Variants in FMN2 observed in about 807,000 individuals in gnomAD.
The protein encoded by FMN2 is formin-2.
In FMN2, 51 loss-of-function variants were observed where a neutral mutation model predicts 142.3. The observed-to-expected ratio is 0.36, with a 90% CI of 0.29 to 0.45. FMN2 has a LOEUF of 0.45. FMN2 is among the 20% of genes least tolerant of loss of function. The pLI, the probability that FMN2 is intolerant of heterozygous loss-of-function variation, is 1.00. For missense variants in FMN2, 1,936 were observed against 2,122.8 expected (o/e 0.91, Z 1.73); for synonymous variants, 882 against 869.8 (o/e 1.01, Z -0.25).
chr1:240,409,657 T>C (rs1339565515), intron 15 of FMN2, among the ~76,000 whole-genome samples: 1 of 152,224 alleles, frequency 6.6e-6, no homozygotes, highest in African/African-American at 2.4e-5. Flanking sequence ...GGCACAATTA[T>C]TCAGCATTGT....
chr1:240,334,856 C>T (rs1333258550), intron 13 of FMN2, among the ~76,000 whole-genome samples: 1 of 151,978 alleles, frequency 6.6e-6, no homozygotes, highest in Non-Finnish European at 1.5e-5. Flanking sequence ...TATTGAGTTG[C>T]GAACACCTCA....
At chr1:240,419,782 G>A (rs1030220045) in intron 15 of FMN2, among the ~76,000 whole-genome samples, 3 of 152,112 alleles carry the variant, frequency 2.0e-5, no homozygotes, top group African/African-American at 7.2e-5. Context: ...TTTGGTCAGG[G>A]GGTCCTGGAT....
chr1:240,354,892 T>G (rs78775730), intron 13 of FMN2, among the ~76,000 whole-genome samples: 4,162 of 152,244 alleles, frequency 0.027, 67 homozygotes, highest in South Asian at 0.044. Flanking sequence ...ATGTGTTCTA[T>G]CCAAAGTTTT....
intron 2 of FMN2, among the ~76,000 whole-genome samples, chr1:240,159,300 T>A (rs533077411): frequency 6.6e-6 from 1 of 152,232 alleles, no homozygotes; most frequent in Non-Finnish European, 1.5e-5. Context: ...ATAAAAGGTA[T>A]CGTGTTAATG....
Position 240,092,439 on chromosome 1 carries a change from C to G in FMN2, c.330C>G (p.Ser110Arg). The G allele has an allele frequency of 1.2e-6, 2 of 1,610,776 alleles. No homozygotes were observed. The highest frequency in any genetic ancestry group is 1.7e-6 in the Non-Finnish European group (2 of 1,178,718). ...CCCTGCAGACCGGGGAGCTGGACAG[C>G]GCTCACTCCCTGCTCACCAAGACTC... ...SQALQTGELD[S>R]AHSLLTKTPD... The change falls in exon 1 of 18, where the codon AGC becomes AGG. Residue 110 changes from serine (S) to arginine (R), a missense_variant. By Grantham distance (110) the Ser-to-Arg change is moderately radical. This residue lies in a region of FMN2 where 751 missense variants were observed against 791.8 expected (regional missense o/e 0.95). Coordinates refer to ENST00000319653, the MANE Select transcript of FMN2 (RefSeq NM_020066.5).
chr1:240,112,242 C>T (rs1423460727), intron 1 of FMN2, among the ~76,000 whole-genome samples: 1 of 151,832 alleles, frequency 6.6e-6, no homozygotes, highest in Admixed American at 6.6e-5. Context: ...AGTGCGCCTC[C>T]TGCCTCAGCC....
intron 15 of FMN2, among the ~76,000 whole-genome samples, chr1:240,412,441 C>T (rs1401129936): frequency 6.6e-5 from 10 of 152,018 alleles, no homozygotes; most frequent in South Asian, 2.1e-4. Context: ...TAGAGGGAGA[C>T]GGGTGGTCCA....
intron 2 of FMN2, among the ~76,000 whole-genome samples, chr1:240,139,092 G>C (rs571836295): frequency 1.3e-5 from 2 of 152,292 alleles, no homozygotes; most frequent in East Asian, 3.9e-4. Context: ...CAACTTCCCA[G>C]GTGATGCCAA....
chr1:240,223,597 G>T (rs1198322045), intron 6 of FMN2, among the ~76,000 whole-genome samples: 1 of 152,182 alleles, frequency 6.6e-6, no homozygotes, highest in Non-Finnish European at 1.5e-5. Flanking sequence ...AAATTCGGCT[G>T]TGAATCTGTC....
chr1:240,184,755 G>A (rs1040607089), intron 3 of FMN2, among the ~76,000 whole-genome samples: 3 of 151,808 alleles, frequency 2.0e-5, no homozygotes, highest in African/African-American at 7.3e-5. Context: ...TGGGAACGTG[G>A]GAGTCGGGAG....
At chr1:240,205,662 T>C (rs1192201418) in intron 4 of FMN2, among the ~76,000 whole-genome samples, 2 of 151,672 alleles carry the variant, frequency 1.3e-5, no homozygotes, top group Admixed American at 6.6e-5. Flanking sequence ...GGGGTTTCAC[T>C]GTGTTAGCCA....
At chr1:240,128,703 TA>T (rs1662610868) in intron 2 of FMN2, among the ~76,000 whole-genome samples, 1 of 152,208 alleles carries the variant, frequency 6.6e-6, no homozygotes, top group Middle Eastern at 3.4e-3. Context: ...CAATTCAGGT[TA>T]AAAAGAAACC....
intron 2 of FMN2, among the ~76,000 whole-genome samples, chr1:240,167,651 T>G (rs2061240): frequency 6.6e-6 from 1 of 152,050 alleles, no homozygotes; most frequent in Non-Finnish European, 1.5e-5. Context: ...ATGGCTATGT[T>G]ATAGTGCTGT....
At chr1:240,144,676 G>A (rs1411483506) in intron 2 of FMN2, 5 of 1,289,874 alleles carry the variant, frequency 3.9e-6, no homozygotes, top group Non-Finnish European at 5.6e-6. Flanking sequence ...TCACACAACT[G>A]GTGAGATAAA....
intron 6 of FMN2, 117 bp downstream of exon 6, chr1:240,211,352 A>C: frequency 1.0e-6 from 1 of 958,736 alleles, no homozygotes; most frequent in South Asian, 1.5e-5. Flanking sequence ...GATCTTAGGC[A>C]GACAGCAAGG....
At chr1:240,260,905 G>C (rs1306653971) in intron 7 of FMN2, among the ~76,000 whole-genome samples, 1 of 152,140 alleles carries the variant, frequency 6.6e-6, no homozygotes, top group South Asian at 2.1e-4. Flanking sequence ...TTAAGTCCTT[G>C]ACCCATCTTG....
At chr1:240,200,423 G>A (rs527705236) in intron 4 of FMN2, among the ~76,000 whole-genome samples, 1 of 152,120 alleles carries the variant, frequency 6.6e-6, no homozygotes, top group South Asian at 2.1e-4. Flanking sequence ...TATCTCAGCT[G>A]ACTTTCTGAA....
At chr1:240,244,404 G>T (rs1239946588) in intron 6 of FMN2, among the ~76,000 whole-genome samples, 1 of 152,170 alleles carries the variant, frequency 6.6e-6, no homozygotes, top group Non-Finnish European at 1.5e-5. Context: ...GGAGCTCTTT[G>T]ATGTCATCTT....
intron 7 of FMN2, among the ~76,000 whole-genome samples, chr1:240,281,221 A>C (rs1205751559): frequency 6.6e-6 from 1 of 152,140 alleles, no homozygotes; most frequent in Non-Finnish European, 1.5e-5. Flanking sequence ...CTTGCAGGAA[A>C]GCCTTTCTTT....
Sources: allele counts gnomAD v4.1 joint callset (sites outside exome capture counted in the v4.1 genomes callset), GRCh38; gene constraint gnomAD v4.1.1; regional missense constraint gnomAD v4.1.1; transcripts MANE v1.5; gene names NCBI Gene and HGNC (gene_info 2026-07-23, HGNC 2026-07-21).